SPAG16: variants seen among roughly 807,000 people sequenced by gnomAD.
The protein encoded by SPAG16 is sperm associated antigen 16.
In SPAG16, 86 loss-of-function variants were observed where a neutral mutation model predicts 80.4. The ratio of observed to expected loss-of-function variants is 1.07; its 90% CI spans 0.90 to 1.28. The LOEUF (loss-of-function observed/expected upper bound fraction) is 1.28. SPAG16 is among the 50% of genes most tolerant of loss of function. The pLI is 0.00. For missense variants in SPAG16, 870 were observed against 765.3 expected, an observed-to-expected ratio of 1.14 and a Z score of -1.61; for synonymous variants, 294 against 265.9, an observed-to-expected ratio of 1.11 and a Z score of -1.03.
chr2:213,542,248 G>T (rs1237296651), intron 10 of SPAG16, among the ~76,000 whole-genome samples: 1 of 152,022 alleles, frequency 6.6e-6, no homozygotes, highest in Non-Finnish European at 1.5e-5. Context: ...GGTACTTGTG[G>T]TCATTCATCC....
At chr2:213,746,541 C>A (rs909823084) in intron 10 of SPAG16, among the ~76,000 whole-genome samples, 1 of 152,206 alleles carries the variant, frequency 6.6e-6, no homozygotes, top group African/African-American at 2.4e-5. Flanking sequence ...TGCGGTGGCT[C>A]ATGCCTGTAA....
chr2:214,167,318 T>C lies in SPAG16; in HGVS notation c.1720+18052T>C, dbSNP rs143289759. ...CTAGTCACACAGGTTCTTCCATCTA[T>C]TACTGCCAGCAGACAGCACCAGCAG... On this transcript the variant is annotated intron_variant, in intron 15 of 15. Coordinates refer to ENST00000331683, the MANE Select transcript of SPAG16 (RefSeq NM_024532.5). Among the ~76,000 whole-genome samples, 13 of 152,230 alleles carry C rather than the reference T, an allele frequency of 8.5e-5. No homozygotes were observed. In the East Asian group the frequency reaches 2.3e-3, roughly 27 times the overall value.
chr2:213,417,397 T>A (rs1352923525), intron 9 of SPAG16, among the ~76,000 whole-genome samples: 1 of 152,212 alleles, frequency 6.6e-6, no homozygotes, highest in African/African-American at 2.4e-5. Flanking sequence ...ATAGAGAAAA[T>A]GGTGTCATAC....
At chr2:213,391,190 C>G (rs1436796438) in intron 9 of SPAG16, among the ~76,000 whole-genome samples, 1 of 152,120 alleles carries the variant, frequency 6.6e-6, no homozygotes, top group Non-Finnish European at 1.5e-5. Context: ...ATAACTTGAA[C>G]CCAGGAGGTG....
rs979716323 is a variant in SPAG16 at position 214,304,556 on chromosome 2, G to A, written c.1721-105584G>A. On this transcript the variant is annotated intron_variant, in intron 15 of 15. Coordinates refer to ENST00000331683, the MANE Select transcript of SPAG16 (RefSeq NM_024532.5). ...AAACAATGCTAATGACTGGCTTGCT[G>A]TTAATAAATATGTGGGTAAATTTCT... Among the ~76,000 whole-genome samples the A allele has an allele frequency of 1.7e-4, 26 of 152,256 alleles. 1 individual carries two copies. Among genetic ancestry groups the A allele is most frequent in the Admixed American group, 3.3e-4 (5 of 15,292 alleles).
chr2:213,669,958 G>A (rs10153692), intron 10 of SPAG16, among the ~76,000 whole-genome samples: 3,893 of 151,978 alleles, frequency 0.026, 163 homozygotes, highest in African/African-American at 0.088. Context: ...TGAAAATGGA[G>A]GCTTTTTTCT....
At chr2:214,049,223 C>G (rs1052645450) in intron 13 of SPAG16, among the ~76,000 whole-genome samples, 1 of 152,180 alleles carries the variant, frequency 6.6e-6, no homozygotes, top group Admixed American at 6.5e-5. Flanking sequence ...TCTCAATTGA[C>G]TGAAAAGGAA....
intron 15 of SPAG16, among the ~76,000 whole-genome samples, chr2:214,187,160 C>T (rs2057505495): frequency 6.6e-6 from 1 of 152,010 alleles, no homozygotes; most frequent in Non-Finnish European, 1.5e-5. Flanking sequence ...CTCTCATTTG[C>T]AAAAATAGTT....
chr2:214,278,301 G>A (rs1229491972), intron 15 of SPAG16, among the ~76,000 whole-genome samples: 1 of 152,132 alleles, frequency 6.6e-6, no homozygotes, highest in Non-Finnish European at 1.5e-5. Flanking sequence ...CCCTGCTTTG[G>A]CTCACCCTTC....
chr2:214,204,630 A>G (rs187730221), intron 15 of SPAG16, among the ~76,000 whole-genome samples: 29 of 152,328 alleles, frequency 1.9e-4, no homozygotes, highest in African/African-American at 7.0e-4. Flanking sequence ...GAAAGGGAGA[A>G]AGCACCACAT....
chr2:214,250,145 T>G (rs1690144908), intron 15 of SPAG16: 1 of 152,162 alleles, frequency 6.6e-6, no homozygotes, highest in Non-Finnish European at 1.5e-5. Flanking sequence ...TGACAAGAAT[T>G]ATTCACATGG....
At chr2:214,380,357 A>G (rs1047066636) in intron 15 of SPAG16, among the ~76,000 whole-genome samples, 5 of 152,148 alleles carry the variant, frequency 3.3e-5, no homozygotes, top group Non-Finnish European at 5.9e-5. Flanking sequence ...GAAAATGCCT[A>G]AAACAATTTT....
intron 10 of SPAG16, among the ~76,000 whole-genome samples, chr2:213,792,573 T>A (rs1032826566): frequency 1.4e-5 from 2 of 142,632 alleles, no homozygotes; most frequent in Non-Finnish European, 3.0e-5. Flanking sequence ...TGAAAATGAG[T>A]ATCTTTTTTT....
chr2:213,991,859 G>GTTTGTTTA (rs1553689443), intron 12 of SPAG16, among the ~76,000 whole-genome samples: 7 of 144,894 alleles, frequency 4.8e-5, no homozygotes, highest in African/African-American at 1.3e-4. Context: ...ACAATTGAGA[G>GTTTGTTTA]TTTATTTATT....
chr2:213,292,136 G>A (rs1447178998), intron 1 of SPAG16, among the ~76,000 whole-genome samples: 2 of 151,878 alleles, frequency 1.3e-5, no homozygotes, highest in African/African-American at 2.4e-5. Flanking sequence ...TCTTATCAGC[G>A]GTTGGCTTAT....
intron 12 of SPAG16, among the ~76,000 whole-genome samples, chr2:213,933,941 C>T (rs1157172868): frequency 6.6e-6 from 1 of 152,180 alleles, no homozygotes; most frequent in African/African-American, 2.4e-5. Flanking sequence ...ACTCTTCAAA[C>T]AGTGAAACAG....
At chr2:214,172,341 C>A (rs973644440) in intron 15 of SPAG16, among the ~76,000 whole-genome samples, 2 of 151,794 alleles carry the variant, frequency 1.3e-5, no homozygotes, top group Non-Finnish European at 2.9e-5. Context: ...TGAGAACATG[C>A]GGTGTTTGGT....
rs71060436 is a variant in SPAG16 at position 213,525,284 on chromosome 2, C to CTTTTTTT, written c.1070+35210_1070+35216dup. Among the ~76,000 whole-genome samples, 335 of 100,256 alleles carry CTTTTTTT rather than the reference C, an allele frequency of 3.3e-3. 2 individuals are homozygous for CTTTTTTT. Among genetic ancestry groups the CTTTTTTT allele is most frequent in the Middle Eastern group, 7.8e-3 (1 of 128 alleles). The allele number at this position is 100,256 out of a possible 152,430, so 65.8% of individuals were successfully genotyped here. A position where few individuals can be genotyped will look rare whatever the true frequency, so the allele number is the denominator to read the frequency against. ...AATCAATTAAACCTCTTTTCCTTTT[C>CTTTTTTT]TTTTTTTTTTTTTTTTTTTTTTGAG... On this transcript the variant is annotated intron_variant, in intron 10 of 15. Coordinates refer to ENST00000331683, the MANE Select transcript of SPAG16 (RefSeq NM_024532.5).
At chr2:213,706,493 A>G (rs974385552) in intron 10 of SPAG16, among the ~76,000 whole-genome samples, 1 of 152,218 alleles carries the variant, frequency 6.6e-6, no homozygotes, top group South Asian at 2.1e-4. Flanking sequence ...ATGAAGATTA[A>G]TGCAATTCTA....
Sources: gnomAD v4.1 joint callset for allele counts (sites outside exome capture counted in the v4.1 genomes callset) on GRCh38, gnomAD v4.1.1 for gene constraint, MANE v1.5 for transcripts, NCBI Gene and HGNC (gene_info 2026-07-23, HGNC 2026-07-21) for gene names.